ADGRL3: variants seen among roughly 807,000 people sequenced by gnomAD.
ADGRL3 encodes the protein calcium-independent alpha-latrotoxin receptor 3.
Under a neutral mutation model 153.5 loss-of-function variants are expected in ADGRL3, and 62 were observed. The ratio of observed to expected loss-of-function variants is 0.40; its 90% CI spans 0.33 to 0.50. The LOEUF (loss-of-function observed/expected upper bound fraction) is 0.50. Among genes scored for constraint, ADGRL3 ranks in the 20% least tolerant of loss-of-function variants. ADGRL3 has a pLI of 0.47. For missense variants in ADGRL3, 1,641 were observed against 1,859.4 expected, an observed-to-expected ratio of 0.88 and a Z score of 2.16; for synonymous variants, 710 against 672.5, an observed-to-expected ratio of 1.06 and a Z score of -0.86.
chr4:61,824,377 A>G (rs2097782518), intron 9 of ADGRL3, among the ~76,000 whole-genome samples: 1 of 152,234 alleles, frequency 6.6e-6, no homozygotes, highest in Non-Finnish European at 1.5e-5. Context: ...CAGGCATTCT[A>G]ATGATGTATT....
At chr4:61,677,008 T>C in intron 6 of ADGRL3, 73 bp downstream of exon 6, 1 of 952,684 alleles carries the variant, frequency 1.0e-6, no homozygotes, top group Non-Finnish European at 1.7e-6. Flanking sequence ...TTGACAAATA[T>C]TCTCTATGAA....
At chr4:61,397,846 C>A (rs180864020) in intron 2 of ADGRL3, among the ~76,000 whole-genome samples, 6 of 151,990 alleles carry the variant, frequency 3.9e-5, no homozygotes, top group Non-Finnish European at 5.9e-5. Flanking sequence ...ATTTCTCTGT[C>A]TTTTACTCCC....
chr4:61,754,258 T>A (rs1057209408), intron 8 of ADGRL3, among the ~76,000 whole-genome samples: 1 of 152,192 alleles, frequency 6.6e-6, no homozygotes, highest in Non-Finnish European at 1.5e-5. Flanking sequence ...AAGTACATAT[T>A]CTTATTGAAC....
chr4:62,023,811 G>A (rs540134600), intron 21 of ADGRL3, among the ~76,000 whole-genome samples: 6 of 152,050 alleles, frequency 3.9e-5, no homozygotes, highest in South Asian at 2.1e-4. Context: ...ACTTTTATAC[G>A]CACTGGGAAA....
chr4:62,066,518 G>A (rs565688660), intron 25 of ADGRL3, among the ~76,000 whole-genome samples: 187 of 152,036 alleles, frequency 1.2e-3, no homozygotes, highest in Non-Finnish European at 1.8e-3. Flanking sequence ...TAAATTTCAC[G>A]CAGAGTACTT....
At chr4:61,606,170 A>G (rs1293720253) in intron 5 of ADGRL3, among the ~76,000 whole-genome samples, 2 of 152,176 alleles carry the variant, frequency 1.3e-5, no homozygotes, top group African/African-American at 2.4e-5. Flanking sequence ...AGGCTTTACC[A>G]TGGGCTAAAG....
intron 1 of ADGRL3, among the ~76,000 whole-genome samples, chr4:61,344,023 A>G (rs971489788): frequency 1.3e-5 from 2 of 152,220 alleles, no homozygotes; most frequent in African/African-American, 4.8e-5. Context: ...TTTATGCAGC[A>G]TATCACCCAC....
intron 2 of ADGRL3, among the ~76,000 whole-genome samples, chr4:61,412,551 G>C (rs193249382): frequency 2.6e-5 from 4 of 152,274 alleles, no homozygotes; most frequent in Admixed American, 2.6e-4. Flanking sequence ...GGTAAAGTGG[G>C]TTCTGCCTAC....
chr4:61,227,063 G>A (rs1413818789), intron 1 of ADGRL3, among the ~76,000 whole-genome samples: 2 of 151,896 alleles, frequency 1.3e-5, no homozygotes, highest in Non-Finnish European at 2.9e-5. Flanking sequence ...GTTTTCTGAA[G>A]TTTAACTTGA....
chr4:61,571,956 A>C (rs1278014966), intron 4 of ADGRL3, among the ~76,000 whole-genome samples: 3 of 152,202 alleles, frequency 2.0e-5, no homozygotes, highest in Non-Finnish European at 2.9e-5. Flanking sequence ...AATAAAACTC[A>C]ACAGCTGTTT....
At chr4:61,556,416 G>A (rs913442392) in intron 4 of ADGRL3, among the ~76,000 whole-genome samples, 1 of 152,104 alleles carries the variant, frequency 6.6e-6, no homozygotes, top group African/African-American at 2.4e-5. Context: ...AATGAGCCGG[G>A]GGAGAGCAGC....
Position 62,070,810 on chromosome 4 carries a change from C to T in ADGRL3, c.4534C>T (p.Arg1512Cys). The T allele has an allele frequency of 2.6e-6, 4 of 1,551,662 alleles. No individual in the cohort carries two copies. Among genetic ancestry groups the T allele is most frequent in the South Asian group, 1.2e-5 (1 of 84,048 alleles). ...HQLHTYYQLG[R>C]GSSDGFIVPP... is the part of the protein sequence containing the mutation. ...GCTGCATACTTACTACCAGCTAGGT[C>T]GCGGCAGCAGTGATGGATTTATAGT... The change falls in exon 27 of 27, where the codon CGC becomes TGC. Residue 1512 changes from arginine to cysteine, a missense_variant. Physicochemically the swap from Arg to Cys is radical, Grantham distance 180 (BLOSUM62 -3). This residue lies in a region of ADGRL3 where 517 missense variants were observed against 555.0 expected (regional missense o/e 0.93). Coordinates refer to ENST00000683033, the MANE Select transcript of ADGRL3 (RefSeq NM_001387552.1).
At chr4:61,663,533 C>A (rs568519465) in intron 5 of ADGRL3, among the ~76,000 whole-genome samples, 1 of 152,298 alleles carries the variant, frequency 6.6e-6, no homozygotes. Context: ...CACCACTCTG[C>A]GCCTGGCTCA....
chr4:61,715,192 G>A (rs1156461237), intron 6 of ADGRL3, among the ~76,000 whole-genome samples: 1 of 152,070 alleles, frequency 6.6e-6, no homozygotes, highest in African/African-American at 2.4e-5. Context: ...TACAAAATCT[G>A]CTTCTTTCTT....
chr4:61,221,426 A>G (rs1454795556), intron 1 of ADGRL3, among the ~76,000 whole-genome samples: 1 of 152,146 alleles, frequency 6.6e-6, no homozygotes, highest in Admixed American at 6.5e-5. Context: ...CTCTTCAAGA[A>G]CTGCTGTTTC....
intron 2 of ADGRL3, among the ~76,000 whole-genome samples, chr4:61,413,022 G>A (rs572625818): frequency 6.6e-6 from 1 of 152,246 alleles, no homozygotes; most frequent in South Asian, 2.1e-4. Context: ...TAGGTTATGA[G>A]GCTCTGGCTT....
At chr4:61,280,369 A>G (rs975908277) in intron 1 of ADGRL3, among the ~76,000 whole-genome samples, 2 of 151,882 alleles carry the variant, frequency 1.3e-5, no homozygotes, top group Non-Finnish European at 2.9e-5. Context: ...GGCCTCCCAA[A>G]GTGCTGGGAT....
At chr4:62,017,019 T>G (rs1334648224) in intron 21 of ADGRL3, among the ~76,000 whole-genome samples, 2 of 152,086 alleles carry the variant, frequency 1.3e-5, no homozygotes, top group African/African-American at 2.4e-5. Context: ...ATATTACTGA[T>G]TTTTGCATGT....
intron 1 of ADGRL3, among the ~76,000 whole-genome samples, chr4:61,368,697 G>T (rs1219537806): frequency 6.6e-6 from 1 of 152,128 alleles, no homozygotes; most frequent in Non-Finnish European, 1.5e-5. Flanking sequence ...GCTTAAGATT[G>T]ACTTGGCAAT....
Sources: allele counts gnomAD v4.1 joint callset (sites outside exome capture counted in the v4.1 genomes callset), GRCh38; gene constraint gnomAD v4.1.1; regional missense constraint gnomAD v4.1.1; transcripts MANE v1.5; gene names NCBI Gene and HGNC (gene_info 2026-07-23, HGNC 2026-07-21).